The following CTNNBIP1 variants were observed in gnomAD, a reference collection of about 807,000 sequenced individuals.
The protein encoded by CTNNBIP1 is beta-catenin-interacting protein 1.
Under a neutral mutation model 11.8 loss-of-function variants are expected in CTNNBIP1, and 7 were observed. That is an observed-to-expected ratio of 0.60 (90% CI 0.34 to 1.12). CTNNBIP1 has a LOEUF of 1.12. CTNNBIP1 is among the 50% of genes most tolerant of loss of function. The pLI, the probability that CTNNBIP1 is intolerant of heterozygous loss-of-function variation, is 0.03. For synonymous variants in CTNNBIP1, 58 were observed against 43.9 expected (o/e 1.32, Z -1.26); for missense variants, 101 against 113.4 (o/e 0.89, Z 0.50).
At position 9,855,036 on chromosome 1, in the gene CTNNBIP1, AC is replaced by A. The variant is rs372826339; in HGVS notation, c.188-4261del. On this transcript the variant is annotated intron_variant, in intron 5 of 5. Transcript: ENST00000377263. ...AAGGTACAGGATACAAGGTCAATAT[AC>A]AAAAATCAATTGTATTTTTATATAC... Among the ~76,000 whole-genome samples, 50 of 152,362 alleles carry A rather than the reference AC, an allele frequency of 3.3e-4. No homozygotes were observed. In the East Asian group the frequency reaches 9.5e-3, roughly 29 times the overall value.
intron 3 of CTNNBIP1, among the ~76,000 whole-genome samples, chr1:9,876,812 A>C (rs922390062): frequency 6.6e-6 from 1 of 150,742 alleles, no homozygotes; most frequent in African/African-American, 2.4e-5. Flanking sequence ...ACATACCTTC[A>C]ATTTAGACAC....
In CTNNBIP1 at chr1:9,867,162, T is replaced by G. The variant is rs1638763739; in HGVS notation, c.187+4025A>C. Among the ~76,000 whole-genome samples the G allele has an allele frequency of 1.3e-5, 2 of 149,642 alleles. No individual in the cohort carries two copies. The highest frequency in any genetic ancestry group is 1.5e-5 in the Non-Finnish European group (1 of 67,288). ...GACAGCCCTGATTGAGGGAAGGGAG[T>G]GGGAAACAGCCAGTGAGGGGTGACG... On this transcript the variant is annotated intron_variant, in intron 5 of 5. Transcript: ENST00000377263. This position sits in a 1 kb window ranked among gnomAD's most constrained non-coding sequence, Gnocchi z 4.6.
chr1:9,868,544 G>A (rs1638794805), intron 5 of CTNNBIP1, among the ~76,000 whole-genome samples: 2 of 152,178 alleles, frequency 1.3e-5, no homozygotes, highest in Admixed American at 6.5e-5. Flanking sequence ...AGAAACAAAT[G>A]TACAATGTTA....
intron 1 of CTNNBIP1, among the ~76,000 whole-genome samples, chr1:9,897,107 T>C (rs948891013): frequency 2.7e-5 from 4 of 148,632 alleles, no homozygotes; most frequent in Non-Finnish European, 5.9e-5. Flanking sequence ...CATCACTGCA[T>C]TGCACTCCAG....
In CTNNBIP1 at chr1:9,879,701, ATGAAAAGAG is replaced by A. The variant is rs1449641014; in HGVS notation, c.-109-1721_-109-1713del. Reference sequence around the variant, plus strand: ...AGTCCCCACATTCTTTCAAAAAGAGATGAAAAGAGTGAAAAGAGAGCCTTCCTCTACTTC... The same window carrying A: ...AGTCCCCACATTCTTTCAAAAAGAGATGAAAAGAGAGCCTTCCTCTACTTC... On this transcript the variant is annotated intron_variant, in intron 2 of 5. Transcript: ENST00000377263. 1.5e-4 allele frequency among the ~76,000 whole-genome samples: 23 copies of A among 152,296 alleles called. No homozygotes were observed. The East Asian group carries it at 4.2e-3, about 28-fold the overall frequency.
At chr1:9,864,887 A>T (rs3860318) in intron 5 of CTNNBIP1, among the ~76,000 whole-genome samples, 18,266 of 152,224 alleles carry the variant, frequency 0.12, 3,035 homozygotes, top group African/African-American at 0.36. Context: ...AATACCTAAC[A>T]GCCCAAGTCA....
rs1249844320 is a variant in CTNNBIP1 at position 9,877,738 on chromosome 1, A to G, written c.-25+167T>C. 6.8e-4 allele frequency among the ~76,000 whole-genome samples: 101 copies of G among 148,434 alleles called. 1 individual carries two copies. Among genetic ancestry groups the G allele is most frequent in the Non-Finnish European group, 5.9e-5 (4 of 68,034 alleles). ...GCAGCACCCTAACATTCTCCAGAAG[A>G]CCCAACACATCTGGAGAAATGAGCA... On this transcript the variant is annotated intron_variant, in intron 3 of 5. Transcript: ENST00000377263.
At chr1:9,901,789 T>C (rs1004197298) in intron 1 of CTNNBIP1, among the ~76,000 whole-genome samples, 3 of 152,214 alleles carry the variant, frequency 2.0e-5, no homozygotes, top group Non-Finnish European at 4.4e-5. Flanking sequence ...AATCAGATGC[T>C]GGATGCTGCT....
At chr1:9,902,733 T>A (rs1040557588) in intron 1 of CTNNBIP1, among the ~76,000 whole-genome samples, 7 of 152,140 alleles carry the variant, frequency 4.6e-5, no homozygotes, top group Non-Finnish European at 7.3e-5. Flanking sequence ...CTTTTGGTCC[T>A]AGACTAAGAG....
intron 1 of CTNNBIP1, among the ~76,000 whole-genome samples, chr1:9,908,469 G>A (rs1345093035): frequency 6.7e-6 from 1 of 148,678 alleles, no homozygotes; most frequent in African/African-American, 2.5e-5. Context: ...CACCTCCCGG[G>A]TTCACGCCAT....
chr1:9,877,524 T>C (rs1638994350), intron 3 of CTNNBIP1, among the ~76,000 whole-genome samples: 1 of 152,254 alleles, frequency 6.6e-6, no homozygotes, highest in South Asian at 2.1e-4. Context: ...CTCCAGCCCC[T>C]GCACTCGTCT....
In CTNNBIP1 at chr1:9,858,423, C is replaced by T. The variant is rs567156407; in HGVS notation, c.188-7647G>A. Among the ~76,000 whole-genome samples the T allele has an allele frequency of 2.1e-3, 314 of 152,326 alleles. 1 individual carries two copies. The highest frequency in any genetic ancestry group is 7.3e-3 in the African/African-American group (303 of 41,576). On this transcript the variant is annotated intron_variant, in intron 5 of 5. Transcript: ENST00000377263. ...CTGACTGCCACTTCGCCTCCCTTTA[C>T]AACACACCTCTCACCACTCACTGCG... is the stretch of plus-strand genomic sequence containing the variant.
chr1:9,857,776 GGAC>G, intron 5 of CTNNBIP1, among the ~76,000 whole-genome samples: 1 of 152,292 alleles, frequency 6.6e-6, no homozygotes, highest in Non-Finnish European at 1.5e-5. Context: ...ACTCCAGCAT[GGAC>G]GACAGACCAA....
At position 9,889,343 on chromosome 1, in the gene CTNNBIP1, A is replaced by G. The variant is rs1219251697; in HGVS notation, c.-143-5605T>C. Among the ~76,000 whole-genome samples, 3 of 152,298 alleles carry G rather than the reference A, an allele frequency of 2.0e-5. No homozygotes were observed. The East Asian group carries it at 5.8e-4, about 29-fold the overall frequency. On this transcript the variant is annotated intron_variant, in intron 1 of 5. Coordinates refer to ENST00000377263, the MANE Select transcript of CTNNBIP1 (RefSeq NM_020248.3). Reference sequence around the variant, plus strand: ...AGAGACATTTTTGATTGTCACGACTAGTAGGGTCCTGCTGGGTAGAGGCCA... The same window carrying G: ...AGAGACATTTTTGATTGTCACGACTGGTAGGGTCCTGCTGGGTAGAGGCCA...
At position 9,895,565 on chromosome 1, in the gene CTNNBIP1, G is replaced by A. The variant is rs540033603; in HGVS notation, c.-143-11827C>T. Among the ~76,000 whole-genome samples, 4 of 140,468 alleles carry A rather than the reference G, an allele frequency of 2.8e-5. No individual in the cohort carries two copies. In the East Asian group the frequency reaches 6.4e-4, roughly 23 times the overall value. 92.2% of individuals were successfully genotyped at this position (140,468 alleles called of 152,430 possible). The stretch of plus-strand genomic sequence containing the variant: ...GGCTAGAGTGCAGTGGCACGATCTC[G>A]GCTCACTGCAACCTCCGCCTCCCGG... On this transcript the variant is annotated intron_variant, in intron 1 of 5. Coordinates refer to ENST00000377263, the MANE Select transcript of CTNNBIP1 (RefSeq NM_020248.3).
intron 1 of CTNNBIP1, among the ~76,000 whole-genome samples, chr1:9,895,906 G>A (rs916357243): frequency 3.9e-5 from 6 of 152,200 alleles, no homozygotes; most frequent in Non-Finnish European, 4.4e-5. Flanking sequence ...GGGATTACAG[G>A]TGTGAGCCAC....
chr1:9,901,078 A>G (rs1437389037), intron 1 of CTNNBIP1, among the ~76,000 whole-genome samples: 1 of 152,194 alleles, frequency 6.6e-6, no homozygotes, highest in Non-Finnish European at 1.5e-5. Context: ...ACGTATTTAA[A>G]TCATACCCCA....
At chr1:9,862,130 G>C (rs947948639) in intron 5 of CTNNBIP1, among the ~76,000 whole-genome samples, 1 of 149,054 alleles carries the variant, frequency 6.7e-6, no homozygotes, top group South Asian at 2.2e-4. Flanking sequence ...CAAATTCCTT[G>C]GTTCCCCAAA....
intron 5 of CTNNBIP1, among the ~76,000 whole-genome samples, chr1:9,857,818 C>T (rs911862427): frequency 5.9e-5 from 9 of 152,118 alleles, no homozygotes; most frequent in African/African-American, 1.9e-4. Context: ...ATAACAACAA[C>T]AACAACAAAA....
Sources: allele counts gnomAD v4.1 joint callset (sites outside exome capture counted in the v4.1 genomes callset), GRCh38; gene constraint gnomAD v4.1.1; non-coding constraint Gnocchi (gnomAD v3.1); transcripts MANE v1.5; gene names NCBI Gene and HGNC (gene_info 2026-07-23, HGNC 2026-07-21).